The following NOS1 variants were observed in gnomAD, a reference collection of about 807,000 sequenced individuals.
The protein encoded by NOS1 is nitric oxide synthase 1.
NOS1 carries 51 observed loss-of-function variants against 164.5 expected under a neutral mutation model. That is an observed-to-expected ratio of 0.31 (90% CI 0.25 to 0.39). The LOEUF (loss-of-function observed/expected upper bound fraction) is 0.39, where lower values mean the gene tolerates loss of function less well. Ranked by LOEUF, NOS1 falls within the 10% of genes least tolerant of loss-of-function variation. The pLI, the probability that NOS1 is intolerant of heterozygous loss-of-function variation, is 1.00. For missense variants in NOS1, 1,362 were observed against 1,885.6 expected (o/e 0.72, Z 5.14); for synonymous variants, 719 against 745.8 (o/e 0.96, Z 0.59).
In NOS1 at chr12:117,208,538, G is replaced by C. The variant is rs1211015677; in HGVS notation, c.*6771C>G. 3 of 1,218,080 alleles carry C rather than the reference G, an allele frequency of 2.5e-6. No individual in the cohort carries two copies. Among genetic ancestry groups the C allele is most frequent in the Non-Finnish European group, 3.2e-6 (3 of 951,178 alleles). 75.5% of individuals were successfully genotyped at this position (1,218,080 alleles called of 1,614,324 possible). Reference sequence around the variant, plus strand: ...CTTCTGGAAAACCACTGCTGAGCCAGGAGTGTGAGTCTTAACAATCACAAC... The same window carrying C: ...CTTCTGGAAAACCACTGCTGAGCCACGAGTGTGAGTCTTAACAATCACAAC... On this transcript the variant is annotated 3_prime_UTR_variant, in exon 29 of 29. Transcript: ENST00000317775.
chr12:117,330,406 C>T lies in NOS1; in HGVS notation c.664G>A (p.Gly222Arg), dbSNP rs1875476752. ...VLSLLTSGSR[G>R]VKGGAPAKAE... The stretch of plus-strand genomic sequence containing the variant: ...TTGGCAGGTGCCCCTCCCTTGACCC[C>T]TCTGCTCCCACTGGTGAGAAGGCTC... The change falls in exon 2 of 29, where the codon GGG becomes AGG. Residue 222 changes from glycine to arginine, a missense_variant. Gly to Arg is a moderately radical substitution (Grantham distance 125). Around this residue, in one of 4 missense-constraint regions of NOS1, gnomAD observed 362 missense variants for 402.0 expected, o/e 0.90. Coordinates refer to ENST00000317775, the MANE Select transcript of NOS1 (RefSeq NM_000620.5). The surrounding 1 kb of genome is among the most constrained non-coding windows in gnomAD (Gnocchi z 4.6). 1 of 1,614,090 alleles carries T rather than the reference C, an allele frequency of 6.2e-7. No homozygotes were observed. Among genetic ancestry groups the T allele is most frequent in the African/African-American group, 1.3e-5 (1 of 74,936 alleles).
intron 3 of NOS1, chr12:117,309,524 T>C (rs1266995199): frequency 7.6e-6 from 2 of 263,066 alleles, no homozygotes; most frequent in African/African-American, 4.6e-5. Context: ...CTGAGTCACC[T>C]AGGCCACCCC....
At chr12:117,253,579 C>CA (rs898800435) in intron 17 of NOS1, 59 bp downstream of exon 17, 8 of 1,186,674 alleles carry the variant, frequency 6.7e-6, no homozygotes, top group African/African-American at 4.6e-5. Context: ...GTAAGTAGGT[C>CA]AAGCTCCCCA....
chr12:117,333,116 A>G (rs1243724625), intron 1 of NOS1, among the ~76,000 whole-genome samples: 1 of 152,078 alleles, frequency 6.6e-6, no homozygotes, highest in African/African-American at 2.4e-5. Flanking sequence ...GGGGCAGGTG[A>G]TCTGTGGGTG....
At position 117,234,471 on chromosome 12, in the gene NOS1, G is replaced by A; in HGVS notation, c.3235+94C>T. On this transcript the variant is annotated intron_variant, in intron 21 of 28. Transcript: ENST00000317775. The surrounding 1 kb of genome is among the most constrained non-coding windows in gnomAD (Gnocchi z 4.3). Reference sequence around the variant, plus strand: ...GCAACAGACACCCACTCTCCTGCCTGGACTGGTGATTGGGAAGAAAAGGTA... The same window carrying A: ...GCAACAGACACCCACTCTCCTGCCTAGACTGGTGATTGGGAAGAAAAGGTA... 2 of 1,311,950 alleles carry A rather than the reference G, an allele frequency of 1.5e-6. No homozygotes were observed. The highest frequency in any genetic ancestry group is 2.8e-5 in the South Asian group (2 of 72,336). The allele number at this position is 1,311,950 out of a possible 1,614,324, so 81.3% of individuals were successfully genotyped here. A position where few individuals can be genotyped will look rare whatever the true frequency, so the allele number is the denominator to read the frequency against.
intron 2 of NOS1, among the ~76,000 whole-genome samples, chr12:117,316,121 G>A (rs1252222599): frequency 6.6e-6 from 1 of 152,162 alleles, no homozygotes; most frequent in East Asian, 1.9e-4. Flanking sequence ...TAAATTTAAA[G>A]AGCCACATGT....
intron 3 of NOS1, among the ~76,000 whole-genome samples, chr12:117,302,347 C>A (rs566351760): frequency 7.9e-5 from 12 of 152,278 alleles, no homozygotes; most frequent in Non-Finnish European, 1.8e-4. Flanking sequence ...GTAATCCCAG[C>A]ACTTTGGGAG....
rs752717528 is a variant in NOS1, at chr12:117,236,338, C to T, written c.3042-1580G>A. On this transcript the variant is annotated intron_variant, in intron 20 of 28. Transcript: ENST00000317775. ...TATTTAAAGGACTTTTTGGCTCAAC[C>T]GAGAACCTTTTGTGCTACAAATAGC... 3.9e-5 allele frequency among the ~76,000 whole-genome samples: 6 copies of T among 152,118 alleles called. No homozygotes were observed. In the South Asian group the frequency reaches 6.2e-4, roughly 16 times the overall value.
In NOS1 at chr12:117,272,649, G is replaced by C; in HGVS notation, c.1665-90C>G. On this transcript the variant is annotated intron_variant, in intron 9 of 28. Transcript: ENST00000317775. The surrounding 1 kb of genome is among the most constrained non-coding windows in gnomAD (Gnocchi z 4.3). ...CTAGAGATGCTGAAATGCCAAGGAT[G>C]GACTGGGACTGACAAGGTCAGAATA... 8.1e-7 allele frequency: 1 copy of C among 1,238,162 alleles called. No individual in the cohort carries two copies. Among genetic ancestry groups the C allele is most frequent in the African/African-American group, 1.5e-5 (1 of 66,748 alleles). The allele number at this position is 1,238,162 out of a possible 1,614,324, so 76.7% of individuals were successfully genotyped here. A position where few individuals can be genotyped will look rare whatever the true frequency, so the allele number is the denominator to read the frequency against.
At position 117,215,226 on chromosome 12, in the gene NOS1, G is replaced by T; in HGVS notation, c.*83C>A. 1 of 1,415,894 alleles carries T rather than the reference G, an allele frequency of 7.1e-7. No individual in the cohort carries two copies. Among genetic ancestry groups the T allele is most frequent in the Non-Finnish European group, 9.3e-7 (1 of 1,075,072 alleles). 87.7% of individuals were successfully genotyped at this position (1,415,894 alleles called of 1,614,324 possible). The stretch of plus-strand genomic sequence containing the variant: ...GACAAGGACAGGAGGCAGAGCGAGG[G>T]CCACAGGGGGTCCCAGAGGAAAGGT... On this transcript the variant is annotated 3_prime_UTR_variant, in exon 29 of 29. Transcript: ENST00000317775.
intron 3 of NOS1, 138 bp from the exon 4 acceptor site, chr12:117,290,564 C>T (rs185461429): frequency 9.5e-7 from 1 of 1,053,910 alleles, no homozygotes; most frequent in East Asian, 2.7e-5. Flanking sequence ...AGAGTAAGAT[C>T]CAGCCCTTCC....
At chr12:117,342,705 T>C (rs189705064) in intron 1 of NOS1, among the ~76,000 whole-genome samples, 1 of 152,094 alleles carries the variant, frequency 6.6e-6, no homozygotes, top group Non-Finnish European at 1.5e-5. Flanking sequence ...AGAAGTACAG[T>C]GGTCAGATTT....
intron 20 of NOS1, among the ~76,000 whole-genome samples, chr12:117,237,375 A>AC (rs11413465): frequency 0.46 from 69,638 of 151,642 alleles, 18,181 homozygotes; most frequent in African/African-American, 0.69. Flanking sequence ...CAGATGATCC[A>AC]CCGCCTCAAC....
rs949908044 is a variant in NOS1 at position 117,212,747 on chromosome 12, C to T, written c.*2562G>A. Reference sequence around the variant, plus strand: ...TGCACTTAAACGGTTGGCTACGAGGCCTGGATGAAAAGCCACCACGAGAGG... The same window carrying T: ...TGCACTTAAACGGTTGGCTACGAGGTCTGGATGAAAAGCCACCACGAGAGG... On this transcript the variant is annotated 3_prime_UTR_variant, in exon 29 of 29. Coordinates refer to ENST00000317775, the MANE Select transcript of NOS1 (RefSeq NM_000620.5). 4.1e-6 allele frequency: 4 copies of T among 985,434 alleles called. No individual in the cohort carries two copies. Among genetic ancestry groups the T allele is most frequent in the South Asian group, 4.7e-5 (1 of 21,284 alleles). 61.0% of individuals were successfully genotyped at this position (985,434 alleles called of 1,614,324 possible). A position where few individuals can be genotyped will look rare whatever the true frequency, so the allele number is the denominator to read the frequency against.
chr12:117,294,706 G>C (rs1044895030), intron 3 of NOS1, among the ~76,000 whole-genome samples: 2 of 152,196 alleles, frequency 1.3e-5, no homozygotes, highest in African/African-American at 2.4e-5. Context: ...GAGTTATTAT[G>C]TTGGGCACAG....
chr12:117,331,029 T>C lies in NOS1; in HGVS notation c.41A>G (p.Asn14Ser), dbSNP rs1469652520. ...HMFGVQQIQPNVISVRLFKRK... is the reference protein window; with the variant it reads ...HMFGVQQIQPSVISVRLFKRK... ...CTTGAAGAGACGAACAGAAATGACA[T>C]TGGGCTGGATTTGCTGAACACCGAA... The change falls in exon 2 of 29, where the codon AAT becomes AGT. Residue 14 changes from asparagine to serine, a missense_variant. Around this residue, in one of 4 missense-constraint regions of NOS1, gnomAD observed 362 missense variants for 402.0 expected, o/e 0.90. Transcript: ENST00000317775. The C allele has an allele frequency of 1.2e-6, 2 of 1,613,626 alleles. No homozygotes were observed. Among genetic ancestry groups the C allele is most frequent in the South Asian group, 1.1e-5 (1 of 91,062 alleles).
chr12:117,345,319 G>A (rs1214639161), intron 1 of NOS1, among the ~76,000 whole-genome samples: 4 of 152,174 alleles, frequency 2.6e-5, no homozygotes, highest in East Asian at 1.9e-4. Context: ...CACCGCGCCC[G>A]GCTGCAAGAT....
chr12:117,253,069 G>A (rs816346), intron 17 of NOS1, among the ~76,000 whole-genome samples: 14,302 of 152,216 alleles, frequency 0.094, 711 homozygotes, highest in South Asian at 0.11. Flanking sequence ...ATGAGATAAT[G>A]TGAGGTTAGG....
In NOS1 at chr12:117,210,320, G is replaced by A. The variant is rs1190512083; in HGVS notation, c.*4989C>T. The stretch of plus-strand genomic sequence containing the variant: ...AGGACATTTGGATGCAGGAGACTAT[G>A]AAGGTTGGGGACAGCCAGAGAGTAT... On this transcript the variant is annotated 3_prime_UTR_variant, in exon 29 of 29. Coordinates refer to ENST00000317775, the MANE Select transcript of NOS1 (RefSeq NM_000620.5). 1.0e-6 allele frequency: 1 copy of A among 985,156 alleles called. No homozygotes were observed. The highest frequency in any genetic ancestry group is 1.7e-5 in the African/African-American group (1 of 57,174). The allele number at this position is 985,156 out of a possible 1,614,324, so 61.0% of individuals were successfully genotyped here. A position where few individuals can be genotyped will look rare whatever the true frequency, so the allele number is the denominator to read the frequency against.
Sources: gnomAD v4.1 joint callset for allele counts (sites outside exome capture counted in the v4.1 genomes callset) on GRCh38, gnomAD v4.1.1 for gene constraint, gnomAD v4.1.1 regional missense constraint, Gnocchi (gnomAD v3.1) non-coding constraint, MANE v1.5 for transcripts, NCBI Gene and HGNC (gene_info 2026-07-23, HGNC 2026-07-21) for gene names.